KIF23: variants seen among roughly 807,000 people sequenced by gnomAD.
The protein encoded by KIF23 is kinesin family member 23.
A neutral mutation model predicts 137.5 loss-of-function variants in KIF23; 30 were observed. The ratio of observed to expected loss-of-function variants is 0.22; its 90% CI spans 0.16 to 0.30. The LOEUF (loss-of-function observed/expected upper bound fraction) is 0.30. Among genes scored for constraint, KIF23 ranks in the 10% least tolerant of loss-of-function variants. The pLI, the probability that KIF23 is intolerant of heterozygous loss-of-function variation, is 1.00. For missense variants in KIF23, 920 were observed against 1,194.3 expected, an observed-to-expected ratio of 0.77 and a Z score of 3.38; for synonymous variants, 367 against 391.1, an observed-to-expected ratio of 0.94 and a Z score of 0.73.
At chr15:69,428,552 C>G (rs932241691) in intron 10 of KIF23, among the ~76,000 whole-genome samples, 1 of 148,218 alleles carries the variant, frequency 6.7e-6, no homozygotes, top group Non-Finnish European at 1.5e-5. Context: ...CCCAGTTACT[C>G]GGAAGGCTGA....
intron 11 of KIF23, among the ~76,000 whole-genome samples, chr15:69,430,163 A>T (rs2057320815): frequency 6.6e-6 from 1 of 152,266 alleles, no homozygotes; most frequent in African/African-American, 2.4e-5. Context: ...AAGGCTTTAA[A>T]TATATATATA....
At chr15:69,439,565 G>A (rs1180891668) in intron 16 of KIF23, among the ~76,000 whole-genome samples, 2 of 152,150 alleles carry the variant, frequency 1.3e-5, no homozygotes, top group African/African-American at 4.8e-5. Flanking sequence ...TAGAGGTTTG[G>A]TGGGGGTACA....
chr15:69,430,380 G>C (rs1049241077), intron 11 of KIF23, among the ~76,000 whole-genome samples: 6 of 152,094 alleles, frequency 3.9e-5, no homozygotes, highest in African/African-American at 1.2e-4. Flanking sequence ...CATGTATTGA[G>C]TACCTACTAT....
intron 5 of KIF23, 58 bp from the exon 6 acceptor site, chr15:69,422,268 A>G: frequency 6.9e-7 from 1 of 1,454,632 alleles, no homozygotes; most frequent in East Asian, 2.3e-5. Context: ...ATTTCTTACT[A>G]TTTAAGTTAA....
At chr15:69,441,474 T>C (rs921944064) in intron 19 of KIF23, among the ~76,000 whole-genome samples, 5 of 152,210 alleles carry the variant, frequency 3.3e-5, no homozygotes, top group Non-Finnish European at 5.9e-5. Flanking sequence ...GTTTTAAAAA[T>C]TGTTTTCCCA....
intron 7 of KIF23, among the ~76,000 whole-genome samples, chr15:69,425,061 T>A (rs1286860447): frequency 1.3e-5 from 2 of 152,218 alleles, no homozygotes; most frequent in African/African-American, 4.8e-5. Flanking sequence ...CATACAAGGG[T>A]GCTTGTTTGG....
In KIF23 at chr15:69,416,046, C is replaced by A; in HGVS notation, c.64C>A (p.Leu22Ile). ...CGTGAAAAAAGGGTCCCAAACGAAC[C>A]TTAAAGACCCAGTTGGGGTAAGGTA... The part of the protein sequence containing the change: ...PTVKKGSQTN[L>I]KDPVGVYCRV... Residue 22 changes from leucine (L) to isoleucine (I), a missense_variant, in exon 2 of 24, where the codon CTT becomes ATT. Leu to Ile is a conservative substitution (Grantham distance 5, BLOSUM62 2). This residue lies in a region of KIF23 where 124 missense variants were observed against 122.0 expected (regional missense o/e 1.02). Coordinates refer to ENST00000679126, the MANE Select transcript of KIF23 (RefSeq NM_001367805.3). 1 of 1,574,728 alleles carries A rather than the reference C, an allele frequency of 6.4e-7. No homozygotes were observed. The highest frequency in any genetic ancestry group is 8.6e-7 in the Non-Finnish European group (1 of 1,168,152).
chr15:69,440,763 T>G lies in KIF23; in HGVS notation c.2110-5T>G, dbSNP rs1395252737. The G allele has an allele frequency of 1.9e-6, 3 of 1,578,164 alleles. No individual in the cohort carries two copies. The highest frequency in any genetic ancestry group is 2.6e-6 in the Non-Finnish European group (3 of 1,166,638). ...TGCTCATTAATTTTTCTCCAATTTT[T>G]CTAGCTTTCTAGTAACTATATTGCT... On this transcript the variant is annotated splice_region_variant and splice_polypyrimidine_tract_variant and intron_variant, in intron 18 of 23. Transcript: ENST00000679126.
chr15:69,436,037 G>A (rs1210044946), intron 13 of KIF23, 101 bp from the exon 14 acceptor site: 2 of 1,468,954 alleles, frequency 1.4e-6, no homozygotes, highest in African/African-American at 2.8e-5. Flanking sequence ...GTGACAGACT[G>A]TCTCAAATAA....
In KIF23 at chr15:69,435,958, G is replaced by A. The variant is rs145383660; in HGVS notation, c.1315-180G>A. On this transcript the variant is annotated intron_variant, in intron 13 of 23. Transcript: ENST00000679126. Reference sequence around the variant, plus strand: ...ACATGTTGGGAAGCTGAGGTGGGACGATCAATTGGGCCCACCTGGGAGGTC... The same window carrying A: ...ACATGTTGGGAAGCTGAGGTGGGACAATCAATTGGGCCCACCTGGGAGGTC... 5.3e-5 allele frequency among the ~76,000 whole-genome samples: 8 copies of A among 152,274 alleles called. No homozygotes were observed. The South Asian group carries it at 6.2e-4, about 12-fold the overall frequency.
At chr15:69,421,133 C>G (rs1452801147) in intron 3 of KIF23, among the ~76,000 whole-genome samples, 10 of 152,176 alleles carry the variant, frequency 6.6e-5, no homozygotes, top group Non-Finnish European at 1.5e-4. Flanking sequence ...TGGCTCACGC[C>G]TGTAATCCCA....
At position 69,447,096 on chromosome 15, in the gene KIF23, T is replaced by C. The variant is rs751596980; in HGVS notation, c.2909+155T>C. On this transcript the variant is annotated intron_variant, in intron 23 of 23. Coordinates refer to ENST00000679126, the MANE Select transcript of KIF23 (RefSeq NM_001367805.3). ...ACTATCTGGGCCTCCATGGGCAGAC[T>C]GCAGTAGGCAGCTGGAATGCTGAGA... 8.7e-6 allele frequency: 6 copies of C among 693,310 alleles called. No individual in the cohort carries two copies. In the East Asian group the frequency reaches 1.6e-4, roughly 19 times the overall value. The allele number at this position is 693,310 out of a possible 1,614,324, so 42.9% of individuals were successfully genotyped here.
At position 69,440,074 on chromosome 15, in the gene KIF23, A is replaced by G. The variant is rs749773980; in HGVS notation, c.1926A>G (p.Glu642=). Residue 642 remains glutamate (E), a synonymous_variant, in exon 17 of 24, where the codon GAA becomes GAG. Coordinates refer to ENST00000679126, the MANE Select transcript of KIF23 (RefSeq NM_001367805.3). The part of the protein sequence containing the change: ...VTETTMKWEK[E]CERRVAAKQL... ...AAACGACAATGAAGTGGGAGAAAGA[A>G]TGTGTGAGTATCGTTTGGGTAGTGC... 5.6e-6 allele frequency: 9 copies of G among 1,613,220 alleles called. No homozygotes were observed. The African/African-American group carries it at 8.0e-5, about 14-fold the overall frequency.
intron 1 of KIF23, chr15:69,414,804 A>G (rs2056853551): frequency 9.5e-6 from 3 of 316,344 alleles, no homozygotes; most frequent in Non-Finnish European, 1.7e-5. Flanking sequence ...GTCCCGGGAC[A>G]GCCTTTCCCT....
At chr15:69,418,552 T>G (rs887987030) in intron 3 of KIF23, among the ~76,000 whole-genome samples, 1 of 152,214 alleles carries the variant, frequency 6.6e-6, no homozygotes, top group Non-Finnish European at 1.5e-5. Flanking sequence ...ACTAGTTCAT[T>G]AGTAGCTCCT....
At chr15:69,419,292 A>G (rs1414670596) in intron 3 of KIF23, among the ~76,000 whole-genome samples, 2 of 1,052 alleles carry the variant, frequency 1.9e-3, no homozygotes, top group Non-Finnish European at 0.043. Flanking sequence ...CCATTTCTAC[A>G]GAGCAGACAG....
intron 2 of KIF23, among the ~76,000 whole-genome samples, chr15:69,416,949 C>CTAAATAAA (rs60029908): frequency 0.059 from 8,929 of 150,272 alleles, 534 homozygotes; most frequent in African/African-American, 0.15. Flanking sequence ...AACTCTGTCT[C>CTAAATAAA]TAAATAAATA....
intron 5 of KIF23, 67 bp from the exon 6 acceptor site, chr15:69,422,259 T>C: frequency 6.9e-7 from 1 of 1,455,998 alleles, no homozygotes; most frequent in Non-Finnish European, 9.4e-7. Flanking sequence ...TTTAAACATA[T>C]TTCTTACTAT....
At chr15:69,430,694 C>G (rs984564491) in intron 11 of KIF23, among the ~76,000 whole-genome samples, 2 of 152,194 alleles carry the variant, frequency 1.3e-5, no homozygotes, top group African/African-American at 4.8e-5. Context: ...ACTATGAGAA[C>G]TGAGGCAGGA....
Sources: allele counts gnomAD v4.1 joint callset (sites outside exome capture counted in the v4.1 genomes callset), GRCh38; gene constraint gnomAD v4.1.1; regional missense constraint gnomAD v4.1.1; transcripts MANE v1.5; gene names NCBI Gene and HGNC (gene_info 2026-07-23, HGNC 2026-07-21).